The following TMEM87A variants were observed in gnomAD, a reference collection of about 807,000 sequenced individuals.
TMEM87A encodes Golgi-pH regulating cation channel.
A neutral mutation model predicts 90.0 loss-of-function variants in TMEM87A; 50 were observed. The observed-to-expected ratio is 0.56, with a 90% CI of 0.44 to 0.70. The LOEUF is 0.70. Ranked by LOEUF, TMEM87A falls within the 30% of genes least tolerant of loss-of-function variation. TMEM87A has a pLI of 0.00. For missense variants in TMEM87A, 577 were observed against 660.5 expected (o/e 0.87, Z 1.39); for synonymous variants, 226 against 226.7 (o/e 1.00, Z 0.03).
chr15:42,241,096 A>C (rs2050858301), intron 7 of TMEM87A, among the ~76,000 whole-genome samples: 1 of 152,226 alleles, frequency 6.6e-6, no homozygotes, highest in South Asian at 2.1e-4. Context: ...GTTATAATAG[A>C]GAAAAAATTT....
At chr15:42,215,409 G>C (rs191991834) in intron 19 of TMEM87A, among the ~76,000 whole-genome samples, 165 of 152,328 alleles carry the variant, frequency 1.1e-3, no homozygotes, top group African/African-American at 3.8e-3. Context: ...GCTGAGGCAG[G>C]AGAATGGCGT....
intron 6 of TMEM87A, among the ~76,000 whole-genome samples, chr15:42,259,577 G>A (rs1359871964): frequency 6.6e-6 from 1 of 152,134 alleles, no homozygotes; most frequent in Non-Finnish European, 1.5e-5. Flanking sequence ...AGCTGCCTGA[G>A]GTGACCTTAC....
rs376919652 is a variant in TMEM87A, at chr15:42,237,554, G to A, written c.746C>T (p.Ala249Val). The change falls in exon 9 of 20, where the codon GCC (alanine) becomes GTC (valine). Residue 249 changes from alanine (A) to valine (V), a missense_variant. Coordinates refer to ENST00000389834, the MANE Select transcript of TMEM87A (RefSeq NM_015497.5). The part of the protein sequence containing the change: ...LFGVLWLAWS[A>V]CYWRDLLRIQ... The stretch of plus-strand genomic sequence containing the variant: ...TCTCAGGAGATCTCTCCAGTAGCAG[G>A]CAGACCATGCCAGCCACAGAACACC... The A allele has an allele frequency of 6.2e-6, 10 of 1,613,890 alleles. No individual in the cohort carries two copies. The highest frequency in any genetic ancestry group is 2.7e-5 in the African/African-American group (2 of 74,868).
At position 42,226,860 on chromosome 15, in the gene TMEM87A, G is replaced by A; in HGVS notation, c.1349C>T (p.Ser450Phe). 6.2e-7 allele frequency: 1 copy of A among 1,614,154 alleles called. No homozygotes were observed. Among genetic ancestry groups the A allele is most frequent in the Non-Finnish European group, 8.5e-7 (1 of 1,180,046 alleles). Reference protein sequence around the residue: ...VDDAIWRLLFSMILFVIMVLW... With the variant: ...VDDAIWRLLFFMILFVIMVLW... ...AACCATGATGACAAAGAGGATCATG[G>A]AGAACAGCAAGCGCCAGATGGCATC... is the stretch of plus-strand genomic sequence containing the variant. The change falls in exon 15 of 20, where the codon TCC (serine) becomes TTC (phenylalanine). Residue 450 changes from serine to phenylalanine, a missense_variant. By Grantham distance (155) the Ser-to-Phe change is radical (BLOSUM62 -2). Transcript: ENST00000389834.
intron 6 of TMEM87A, chr15:42,258,838 A>G: frequency 4.0e-6 from 6 of 1,487,106 alleles, no homozygotes; most frequent in Non-Finnish European, 5.3e-6. Context: ...GAACACTTTC[A>G]GAATGGCAGA....
In TMEM87A at chr15:42,211,593, A is replaced by C. The variant is rs2050287649; in HGVS notation, c.*115T>G. Reference sequence around the variant, plus strand: ...CAACTCCAATGCCCAAAGATCAAGGAACAGATCAGGATGTCATTGCTTCCT... The same window carrying C: ...CAACTCCAATGCCCAAAGATCAAGGCACAGATCAGGATGTCATTGCTTCCT... On this transcript the variant is annotated 3_prime_UTR_variant, in exon 20 of 20. Transcript: ENST00000389834. 1 of 1,036,968 alleles carries C rather than the reference A, an allele frequency of 9.6e-7. No individual in the cohort carries two copies. The highest frequency in any genetic ancestry group is 1.6e-5 in the African/African-American group (1 of 61,854). 64.2% of individuals were successfully genotyped at this position (1,036,968 alleles called of 1,614,324 possible). A position where few individuals can be genotyped will look rare whatever the true frequency, so the allele number is the denominator to read the frequency against.
chr15:42,247,796 C>T (rs928235949), intron 6 of TMEM87A, among the ~76,000 whole-genome samples: 1 of 151,774 alleles, frequency 6.6e-6, no homozygotes, highest in African/African-American at 2.4e-5. Flanking sequence ...ATATGAACTT[C>T]GAAGTATTTT....
rs1168011365 is a variant in TMEM87A, at chr15:42,257,452, C to T, written c.504+3506G>A. 2.6e-5 allele frequency among the ~76,000 whole-genome samples: 4 copies of T among 152,236 alleles called. No homozygotes were observed. In the South Asian group the frequency reaches 8.3e-4, roughly 32 times the overall value. ...CTGAAGCCCTCACTAGAAACAGATG[C>T]CGGCACCATGCTTCTTTCATAGCCC... On this transcript the variant is annotated intron_variant, in intron 6 of 19. Coordinates refer to ENST00000389834, the MANE Select transcript of TMEM87A (RefSeq NM_015497.5).
Position 42,217,821 on chromosome 15 carries a change from G to A in TMEM87A, c.1608C>T (p.Ala536=), listed in dbSNP as rs925899817. The A allele has an allele frequency of 6.2e-7, 1 of 1,612,666 alleles. No individual in the cohort carries two copies. Among genetic ancestry groups the A allele is most frequent in the Non-Finnish European group, 8.5e-7 (1 of 1,179,630 alleles). ...TACCAACCTCATCTGAATCCAGAAG[G>A]GCTGGAAGTGCTCTGCAAAGAGAGA... ...PSSVTDVALP[A]LLDSDEERMI... Residue 536 remains alanine (A), a synonymous_variant, in exon 19 of 20, where the codon GCC becomes GCT. Coordinates refer to ENST00000389834, the MANE Select transcript of TMEM87A (RefSeq NM_015497.5).
chr15:42,252,535 T>C (rs2051105835), intron 6 of TMEM87A, among the ~76,000 whole-genome samples: 1 of 152,156 alleles, frequency 6.6e-6, no homozygotes, highest in Non-Finnish European at 1.5e-5. Flanking sequence ...TTCTGGGCAT[T>C]ATTCCTTCAA....
intron 4 of TMEM87A, 21 bp downstream of exon 4, chr15:42,264,069 C>T (rs1428432916): frequency 1.9e-6 from 3 of 1,586,718 alleles, no homozygotes; most frequent in Non-Finnish European, 2.6e-6. Flanking sequence ...CTATTTATCT[C>T]CAATCACTTT....
chr15:42,231,671 G>T (rs1000328008), intron 11 of TMEM87A, among the ~76,000 whole-genome samples: 1 of 151,972 alleles, frequency 6.6e-6, no homozygotes, highest in South Asian at 2.1e-4. Context: ...CATATACAAA[G>T]AATTATTAAT....
intron 6 of TMEM87A, among the ~76,000 whole-genome samples, chr15:42,247,690 C>A (rs1016664793): frequency 6.6e-6 from 1 of 152,064 alleles, no homozygotes; most frequent in South Asian, 2.1e-4. Flanking sequence ...GTTACTGTAG[C>A]CTTGTAGTAT....
chr15:42,237,746 T>A, intron 8 of TMEM87A, 131 bp from the exon 9 acceptor site: 1 of 772,000 alleles, frequency 1.3e-6, no homozygotes, highest in Non-Finnish European at 1.9e-6. Flanking sequence ...TAGGATGGTC[T>A]TGAACTTCTG....
At chr15:42,230,109 G>A (rs752756185) in intron 12 of TMEM87A, among the ~76,000 whole-genome samples, 7 of 152,206 alleles carry the variant, frequency 4.6e-5, no homozygotes, top group Non-Finnish European at 1.0e-4. Context: ...TTACAGGCAT[G>A]AGCCACTGCA....
At chr15:42,238,973 A>ATGCACACATACATGTATG (rs764581348) in intron 8 of TMEM87A, among the ~76,000 whole-genome samples, 11 of 152,248 alleles carry the variant, frequency 7.2e-5, no homozygotes, top group East Asian at 3.9e-4. Flanking sequence ...ACACAGACGT[A>ATGCACACATACATGTATG]TGCACACATA....
chr15:42,227,574 G>GT (rs2140928436), intron 14 of TMEM87A, 137 bp downstream of exon 14: 1 of 673,598 alleles, frequency 1.5e-6, no homozygotes, highest in East Asian at 2.8e-5. Context: ...GAGGAGGGAA[G>GT]TATCACAACC....
At chr15:42,260,351 G>T (rs1464908625) in intron 6 of TMEM87A, among the ~76,000 whole-genome samples, 1 of 152,182 alleles carries the variant, frequency 6.6e-6, no homozygotes, top group African/African-American at 2.4e-5. Flanking sequence ...TCCAGCATGG[G>T]CAAGAGTGAG....
At chr15:42,252,426 G>A (rs1029394174) in intron 6 of TMEM87A, among the ~76,000 whole-genome samples, 3 of 152,182 alleles carry the variant, frequency 2.0e-5, no homozygotes, top group African/African-American at 7.2e-5. Flanking sequence ...TCCATTTTAT[G>A]AACATACAAC....
Sources: gnomAD v4.1 joint callset for allele counts (sites outside exome capture counted in the v4.1 genomes callset) on GRCh38, gnomAD v4.1.1 for gene constraint, MANE v1.5 for transcripts, NCBI Gene and HGNC (gene_info 2026-07-23, HGNC 2026-07-21) for gene names.